ACBD6: variants seen among roughly 807,000 people sequenced by gnomAD.
ACBD6 encodes acyl-CoA-binding domain-containing protein 6.
In ACBD6, 28 loss-of-function variants were observed where a neutral mutation model predicts 37.2. The ratio of observed to expected loss-of-function variants is 0.75; its 90% CI spans 0.56 to 1.03. The LOEUF is 1.03. ACBD6 is among the 50% of genes least tolerant of loss of function. The probability of loss-of-function intolerance (pLI) is 0.00; values close to 1 mark genes in which losing one functional copy is unlikely to be tolerated. For missense variants in ACBD6, 340 were observed against 337.4 expected (o/e 1.01, Z -0.06); for synonymous variants, 113 against 126.8 (o/e 0.89, Z 0.73).
chr1:180,332,547 G>A (rs1571370977), intron 6 of ACBD6, among the ~76,000 whole-genome samples: 2 of 151,852 alleles, frequency 1.3e-5, no homozygotes, highest in Admixed American at 1.3e-4. Flanking sequence ...CTGCACATAT[G>A]AGGGATCTAA....
chr1:180,274,566 ATCC>A (rs1387699316), intron 10 of ACBD6: 2 of 1,579,494 alleles, frequency 1.3e-6, no homozygotes, highest in Non-Finnish European at 1.7e-6. Context: ...GAAATGGATC[ATCC>A]TCCTTTTTAA....
chr1:180,435,200 C>T (rs1648979443), intron 3 of ACBD6: 2 of 684,498 alleles, frequency 2.9e-6, no homozygotes, highest in African/African-American at 3.6e-5. Context: ...CTGGCCTTTC[C>T]ATCTGGGGTA....
chr1:180,495,999 G>A (rs1216213068), intron 1 of ACBD6, among the ~76,000 whole-genome samples: 1 of 152,088 alleles, frequency 6.6e-6, no homozygotes, highest in African/African-American at 2.4e-5. Context: ...GGAAAACAGT[G>A]TACTACTTTT....
intron 6 of ACBD6, among the ~76,000 whole-genome samples, chr1:180,323,670 T>C (rs1001285518): frequency 7.9e-5 from 12 of 152,096 alleles, no homozygotes; most frequent in East Asian, 3.8e-4. Context: ...TCTCTTCTTA[T>C]AGTTTTTGTC....
At chr1:180,313,916 C>A (rs189777237) in intron 7 of ACBD6, among the ~76,000 whole-genome samples, 73 of 152,294 alleles carry the variant, frequency 4.8e-4, no homozygotes, top group African/African-American at 1.7e-3. Flanking sequence ...ATTTACCAAG[C>A]AGCTCTCTAA....
intron 7 of ACBD6, among the ~76,000 whole-genome samples, chr1:180,289,649 C>G (rs1272597775): frequency 1.1e-4 from 17 of 152,066 alleles, no homozygotes; most frequent in Admixed American, 1.1e-3. Flanking sequence ...ACAGCAGACC[C>G]CAAATGTAAA....
chr1:180,314,609 C>T (rs1650726750), intron 7 of ACBD6, 83 bp downstream of exon 7: 1 of 1,153,404 alleles, frequency 8.7e-7, no homozygotes, highest in Non-Finnish European at 1.3e-6. Flanking sequence ...TATCTAAGCA[C>T]TATATAGGAA....
intron 3 of ACBD6, among the ~76,000 whole-genome samples, chr1:180,452,791 C>T (rs866279549): frequency 1.6e-4 from 25 of 152,274 alleles, no homozygotes; most frequent in African/African-American, 2.6e-4. Context: ...AACACCTCTA[C>T]GCAAATAAAC....
intron 6 of ACBD6, among the ~76,000 whole-genome samples, chr1:180,327,751 T>C (rs1236670840): frequency 6.6e-6 from 1 of 152,244 alleles, no homozygotes; most frequent in African/African-American, 2.4e-5. Context: ...GATAATACAA[T>C]GAAGGTCTAA....
chr1:180,390,058 T>C (rs1481162559), intron 6 of ACBD6, among the ~76,000 whole-genome samples: 3 of 152,082 alleles, frequency 2.0e-5, no homozygotes, highest in Admixed American at 6.5e-5. Context: ...TTTGGTGTTT[T>C]AGACATGAAG....
At chr1:180,303,028 G>A (rs1481538966) in intron 7 of ACBD6, among the ~76,000 whole-genome samples, 2 of 152,062 alleles carry the variant, frequency 1.3e-5, no homozygotes, top group African/African-American at 4.8e-5. Flanking sequence ...CGAAATGAAG[G>A]CAGAAATAAA....
intron 1 of ACBD6, among the ~76,000 whole-genome samples, chr1:180,495,841 A>G (rs1177065686): frequency 1.3e-5 from 2 of 152,200 alleles, no homozygotes; most frequent in African/African-American, 4.8e-5. Context: ...TATAGATTAA[A>G]TACTCTTTAT....
intron 8 of ACBD6, among the ~76,000 whole-genome samples, chr1:180,282,375 T>C (rs984714374): frequency 6.6e-6 from 1 of 151,890 alleles, no homozygotes; most frequent in Non-Finnish European, 1.5e-5. Context: ...TTGGCACACA[T>C]TTGGAGTTGG....
chr1:180,385,783 T>C (rs1477558014), intron 6 of ACBD6, among the ~76,000 whole-genome samples: 1 of 152,106 alleles, frequency 6.6e-6, no homozygotes, highest in Non-Finnish European at 1.5e-5. Flanking sequence ...TCCAGAACTG[T>C]GGGAATAAAT....
intron 6 of ACBD6, among the ~76,000 whole-genome samples, chr1:180,396,990 A>G (rs574406372): frequency 1.3e-5 from 2 of 152,358 alleles, no homozygotes; most frequent in South Asian, 4.1e-4. Flanking sequence ...TAAAAATACA[A>G]GGACACAAAT....
At chr1:180,377,878 C>A (rs1171555525) in intron 6 of ACBD6, among the ~76,000 whole-genome samples, 1 of 151,756 alleles carries the variant, frequency 6.6e-6, no homozygotes, top group Non-Finnish European at 1.5e-5. Flanking sequence ...ACCCGGGAGG[C>A]GGAGGTTGCA....
chr1:180,288,575 C>T (rs1649579114), intron 7 of ACBD6, 58 bp from the exon 8 acceptor site: 2 of 1,554,852 alleles, frequency 1.3e-6, no homozygotes, highest in Admixed American at 1.9e-5. Context: ...AGAAACTCCT[C>T]TACTTCAGCA....
intron 4 of ACBD6, among the ~76,000 whole-genome samples, chr1:180,426,715 A>G (rs1029692714): frequency 3.3e-5 from 5 of 152,178 alleles, no homozygotes; most frequent in Non-Finnish European, 7.4e-5. Flanking sequence ...TAACAATACT[A>G]TTTATAAAAG....
intron 2 of ACBD6, among the ~76,000 whole-genome samples, chr1:180,494,056 G>A (rs2102094500): frequency 6.6e-6 from 1 of 152,280 alleles, no homozygotes; most frequent in South Asian, 2.1e-4. Context: ...GGTAACGGCA[G>A]TAACTGTCAG....
Sources: allele counts gnomAD v4.1 joint callset (sites outside exome capture counted in the v4.1 genomes callset), GRCh38; gene constraint gnomAD v4.1.1; transcripts MANE v1.5; gene names NCBI Gene and HGNC (gene_info 2026-07-23, HGNC 2026-07-21).